Variants in TEKTL1 observed in about 807,000 individuals in gnomAD.
TEKTL1 encodes tektin like 1, also known as tektin-like protein 1.
At chr19:15,015,903 C>T in the TEKTL1 span, among the ~76,000 whole-genome samples, 6 of 152,170 alleles carry the variant, frequency 3.9e-5, no homozygotes, top group Non-Finnish European at 5.9e-5. Flanking sequence ...CCTCTAGATA[C>T]CCATTTCTCT....
chr19:15,018,769 A>G, the TEKTL1 span, among the ~76,000 whole-genome samples: 1 of 124,632 alleles, frequency 8.0e-6, no homozygotes, highest in Non-Finnish European at 1.8e-5. Context: ...GTGAACACCC[A>G]TCACCTGGGA....
At chr19:15,019,752 C>T in the TEKTL1 span, among the ~76,000 whole-genome samples, 3 of 152,010 alleles carry the variant, frequency 2.0e-5, no homozygotes, top group East Asian at 5.8e-4. Context: ...CTTTGGGAGG[C>T]TGAGGCAGGA....
chr19:15,018,670 G>A, the TEKTL1 span, among the ~76,000 whole-genome samples: 3 of 136,830 alleles, frequency 2.2e-5, no homozygotes, highest in Non-Finnish European at 4.8e-5. Context: ...CTGTGATCAT[G>A]CCACTGCACT....
chr19:15,022,748 G>C, the TEKTL1 span: 1 of 974,272 alleles, frequency 1.0e-6, no homozygotes, highest in Non-Finnish European at 1.5e-6. Context: ...GGCACACCTG[G>C]CCCATTCAGA....
the TEKTL1 span, chr19:15,021,716 G>C: frequency 2.5e-6 from 4 of 1,613,944 alleles, no homozygotes; most frequent in Non-Finnish European, 3.4e-6. Flanking sequence ...ATCAAGGTAC[G>C]GTTCGGGGTG....
the TEKTL1 span, chr19:15,011,223 C>T: frequency 1.4e-6 from 2 of 1,475,620 alleles, no homozygotes; most frequent in African/African-American, 3.0e-5. Context: ...GCGCGTGGAG[C>T]GCGCCTCACC....
chr19:15,011,813 A>C, the TEKTL1 span, among the ~76,000 whole-genome samples: 1 of 151,954 alleles, frequency 6.6e-6, no homozygotes. Context: ...TGAGGGCCAG[A>C]TGCAGTAGCT....
chr19:15,021,358 G>T, the TEKTL1 span: 1 of 1,614,032 alleles, frequency 6.2e-7, no homozygotes, highest in Non-Finnish European at 8.5e-7. Context: ...TGCAGCGTGC[G>T]CCTTGGCGCT....
the TEKTL1 span, chr19:15,021,477 T>C: frequency 6.2e-7 from 1 of 1,614,188 alleles, no homozygotes; most frequent in Non-Finnish European, 8.5e-7. Flanking sequence ...ACCGTGTGTG[T>C]GCCTCGCTGG....
chr19:15,020,135 C>G, the TEKTL1 span, among the ~76,000 whole-genome samples: 2 of 151,794 alleles, frequency 1.3e-5, no homozygotes, highest in South Asian at 4.2e-4. Flanking sequence ...TAGTCAGACC[C>G]CTTCTTCACA....
chr19:15,016,857 A>T, the TEKTL1 span, among the ~76,000 whole-genome samples: 1 of 152,180 alleles, frequency 6.6e-6, no homozygotes, highest in Non-Finnish European at 1.5e-5. Context: ...ATAAAATTTT[A>T]CTTACAAAAA....
chr19:15,014,082 CAGAG>C, the TEKTL1 span, among the ~76,000 whole-genome samples: 1 of 152,130 alleles, frequency 6.6e-6, no homozygotes, highest in Non-Finnish European at 1.5e-5. Flanking sequence ...AATTGAGACC[CAGAG>C]AGAGACCTCA....
chr19:15,014,642 T>C, the TEKTL1 span, among the ~76,000 whole-genome samples: 1 of 144,714 alleles, frequency 6.9e-6, no homozygotes, highest in South Asian at 2.3e-4. Flanking sequence ...TCAGTAAGGT[T>C]GTGTTGACTG....
At chr19:15,018,430 T>A in the TEKTL1 span, among the ~76,000 whole-genome samples, 1 of 151,790 alleles carries the variant, frequency 6.6e-6, no homozygotes, top group Non-Finnish European at 1.5e-5. Flanking sequence ...TTTCTCTAGC[T>A]GGGCACAGCA....
chr19:15,022,928 C>G, the TEKTL1 span: 1 of 1,610,088 alleles, frequency 6.2e-7, no homozygotes, highest in Non-Finnish European at 8.5e-7. Flanking sequence ...GGACGAGCTG[C>G]TCGCCACGCA....
chr19:15,011,015 C>T, the TEKTL1 span: 3 of 1,584,368 alleles, frequency 1.9e-6, no homozygotes, highest in East Asian at 2.3e-5. Context: ...CCACCTCGGC[C>T]GCGCCGCCTA....
chr19:15,021,083 G>C, the TEKTL1 span, among the ~76,000 whole-genome samples: 3 of 151,860 alleles, frequency 2.0e-5, no homozygotes, highest in Non-Finnish European at 4.4e-5. Flanking sequence ...GTTTCACCAT[G>C]TTGGCCAGGC....
At chr19:15,021,218 C>T in the TEKTL1 span, 286 of 1,110,904 alleles carry the variant, frequency 2.6e-4, 2 homozygotes, top group Admixed American at 2.6e-3. Context: ...ATCCCCCGCG[C>T]CCCCTGGACT....
chr19:15,011,074 C>T, the TEKTL1 span: 35 of 1,574,196 alleles, frequency 2.2e-5, 2 homozygotes, highest in South Asian at 2.3e-4. Flanking sequence ...GCGGCGGCAC[C>T]TTGGAGAAGC....
Sources: gnomAD v4.1 joint callset for allele counts (sites outside exome capture counted in the v4.1 genomes callset) on GRCh38, gnomAD v4.1.1 for gene constraint, MANE v1.5 for transcripts, NCBI Gene and HGNC (gene_info 2026-07-23, HGNC 2026-07-21) for gene names.